Variants in TNR observed in about 807,000 individuals in gnomAD.
TNR encodes tenascin R, also known as tenascin-R.
Under a neutral mutation model 150.4 loss-of-function variants are expected in TNR, and 45 were observed. The observed-to-expected ratio is 0.30, with a 90% CI of 0.24 to 0.38. The LOEUF (loss-of-function observed/expected upper bound fraction) is 0.38. Ranked by LOEUF, TNR falls within the 10% of genes least tolerant of loss-of-function variation. The probability of loss-of-function intolerance (pLI) is 1.00; values close to 1 mark genes in which losing one functional copy is unlikely to be tolerated. For missense variants in TNR, 1,544 were observed against 1,759.1 expected, an observed-to-expected ratio of 0.88 and a Z score of 2.19; for synonymous variants, 687 against 678.4, an observed-to-expected ratio of 1.01 and a Z score of -0.20.
intron 18 of TNR, among the ~76,000 whole-genome samples, chr1:175,348,088 A>G (rs1200994468): frequency 6.6e-6 from 1 of 152,200 alleles, no homozygotes; most frequent in Non-Finnish European, 1.5e-5. Flanking sequence ...ATAAAAAATT[A>G]ATGGTATTTT....
chr1:175,497,081 T>C (rs1000438034), intron 2 of TNR, among the ~76,000 whole-genome samples: 1 of 152,250 alleles, frequency 6.6e-6, no homozygotes, highest in Admixed American at 6.5e-5. Context: ...TTTTCTTAAT[T>C]GTGATACTAA....
At chr1:175,692,851 G>A (rs1666411445) in intron 1 of TNR, among the ~76,000 whole-genome samples, 1 of 152,186 alleles carries the variant, frequency 6.6e-6, no homozygotes, top group African/African-American at 2.4e-5. Context: ...TATGTGAACT[G>A]GTGAGGACGT....
intron 18 of TNR, among the ~76,000 whole-genome samples, chr1:175,351,120 T>C (rs1651032442): frequency 6.6e-6 from 1 of 152,228 alleles, no homozygotes; most frequent in Non-Finnish European, 1.5e-5. Flanking sequence ...GAGTAATTCA[T>C]GTCTGTGGGG....
intron 2 of TNR, among the ~76,000 whole-genome samples, chr1:175,502,933 T>C (rs768424701): frequency 2.8e-4 from 42 of 148,848 alleles, no homozygotes; most frequent in Non-Finnish European, 5.9e-5. Context: ...TCTTTGTTTT[T>C]TAAAGGGGTG....
chr1:175,393,518 G>A (rs150150270), intron 6 of TNR, among the ~76,000 whole-genome samples: 191 of 152,316 alleles, frequency 1.3e-3, no homozygotes, highest in Non-Finnish European at 2.5e-3. Flanking sequence ...TCAGCAGAGA[G>A]CTGGAGCTGG....
chr1:175,405,026 C>T (rs1280249102), intron 3 of TNR, among the ~76,000 whole-genome samples: 1 of 152,222 alleles, frequency 6.6e-6, no homozygotes, highest in Non-Finnish European at 1.5e-5. Flanking sequence ...CATCCAGGCT[C>T]TGTTAAAATT....
chr1:175,546,252 C>T (rs529660057), intron 1 of TNR, among the ~76,000 whole-genome samples: 126 of 152,264 alleles, frequency 8.3e-4, no homozygotes, highest in Non-Finnish European at 1.0e-3. Context: ...GAAGAAGACC[C>T]GGCTGTTTCT....
intron 2 of TNR, among the ~76,000 whole-genome samples, chr1:175,438,155 C>G (rs1655604890): frequency 6.6e-6 from 1 of 152,186 alleles, no homozygotes; most frequent in Non-Finnish European, 1.5e-5. Flanking sequence ...TAGAATCCAG[C>G]ATCACATCAG....
At chr1:175,503,511 C>T (rs568510329) in intron 2 of TNR, among the ~76,000 whole-genome samples, 1 of 152,056 alleles carries the variant, frequency 6.6e-6, no homozygotes, top group East Asian at 1.9e-4. Context: ...GTAAATGAGC[C>T]GACAGGGATG....
At chr1:175,618,514 T>C (rs1454850212) in intron 1 of TNR, among the ~76,000 whole-genome samples, 3 of 152,196 alleles carry the variant, frequency 2.0e-5, no homozygotes, top group African/African-American at 7.2e-5. Context: ...TCCATGCTAT[T>C]AAACTGCAGT....
chr1:175,544,722 G>A (rs1225399179), intron 1 of TNR, among the ~76,000 whole-genome samples: 3 of 152,224 alleles, frequency 2.0e-5, no homozygotes, highest in African/African-American at 7.2e-5. Flanking sequence ...TGACAACCTG[G>A]TGAAGGAAGC....
intron 1 of TNR, among the ~76,000 whole-genome samples, chr1:175,677,416 G>A (rs770951960): frequency 3.9e-5 from 6 of 152,148 alleles, no homozygotes; most frequent in Non-Finnish European, 8.8e-5. Context: ...GTTATTTTGT[G>A]ACTTTGCTTT....
chr1:175,643,052 T>C (rs1023610857), intron 1 of TNR, among the ~76,000 whole-genome samples: 1 of 152,228 alleles, frequency 6.6e-6, no homozygotes, highest in Non-Finnish European at 1.5e-5. Flanking sequence ...AGAGAAACGT[T>C]AATAGAATTT....
chr1:175,425,981 G>T (rs1164967461), intron 2 of TNR, among the ~76,000 whole-genome samples: 1 of 152,174 alleles, frequency 6.6e-6, no homozygotes, highest in Non-Finnish European at 1.5e-5. Context: ...CACCTGTAAG[G>T]CCAGGGTTCT....
rs556409630 is a variant in TNR at position 175,637,625 on chromosome 1, T to C, written c.-165+105601A>G. Among the ~76,000 whole-genome samples the C allele has an allele frequency of 7.9e-5, 12 of 152,332 alleles. No individual in the cohort carries two copies. In the South Asian group the frequency reaches 2.5e-3, roughly 32 times the overall value. The stretch of plus-strand genomic sequence containing the variant: ...GACAATGCATGAGAGGTAATACATC[T>C]ACATTTTCATGATAGGTTCATCTTA... On this transcript the variant is annotated intron_variant, in intron 1 of 22. Transcript: ENST00000367674.
At chr1:175,697,787 C>T (rs1571764044) in intron 1 of TNR, among the ~76,000 whole-genome samples, 4 of 152,200 alleles carry the variant, frequency 2.6e-5, no homozygotes. Flanking sequence ...CTCCTGAGTC[C>T]CCCCACATGT....
intron 2 of TNR, among the ~76,000 whole-genome samples, chr1:175,446,927 G>T (rs1325779697): frequency 1.3e-5 from 2 of 152,120 alleles, no homozygotes; most frequent in Non-Finnish European, 2.9e-5. Flanking sequence ...TATGTGTGTT[G>T]TATGCATGTG....
chr1:175,644,403 T>TG (rs1165133302), intron 1 of TNR, among the ~76,000 whole-genome samples: 1 of 152,214 alleles, frequency 6.6e-6, no homozygotes. Context: ...ATTATGGCTG[T>TG]GGGCAGAAAG....
intron 2 of TNR, among the ~76,000 whole-genome samples, chr1:175,412,359 G>A (rs1474173194): frequency 6.6e-6 from 1 of 152,102 alleles, no homozygotes; most frequent in African/African-American, 2.4e-5. Flanking sequence ...TGAGATTAAT[G>A]TTTTCTCCAC....
Sources: gnomAD v4.1 joint callset for allele counts (sites outside exome capture counted in the v4.1 genomes callset) on GRCh38, gnomAD v4.1.1 for gene constraint, MANE v1.5 for transcripts, NCBI Gene and HGNC (gene_info 2026-07-23, HGNC 2026-07-21) for gene names.